Variants in CYRIB observed in about 807,000 individuals in gnomAD.
CYRIB encodes the protein CYFIP related Rac1 interactor B.
Under a neutral mutation model 44.2 loss-of-function variants are expected in CYRIB, and 8 were observed. The observed-to-expected ratio is 0.18, with a 90% CI of 0.11 to 0.33. CYRIB has a LOEUF of 0.33. CYRIB is among the 10% of genes least tolerant of loss of function. The pLI, the probability that CYRIB is intolerant of heterozygous loss-of-function variation, is 1.00. For synonymous variants in CYRIB, 131 were observed against 127.2 expected, an observed-to-expected ratio of 1.03 and a Z score of -0.20; for missense variants, 185 against 382.8, an observed-to-expected ratio of 0.48 and a Z score of 4.31.
chr8:129,966,150 C>T (rs1390176433), intron 2 of CYRIB, among the ~76,000 whole-genome samples: 1 of 152,210 alleles, frequency 6.6e-6, no homozygotes, highest in East Asian at 1.9e-4. Context: ...CCAATGCGCC[C>T]AGCCTAAATC....
intron 1 of CYRIB, among the ~76,000 whole-genome samples, chr8:129,972,905 T>C (rs1044792344): frequency 1.3e-5 from 2 of 152,244 alleles, no homozygotes; most frequent in African/African-American, 4.8e-5. Context: ...ACTACAGCTC[T>C]AGAAACCAGA....
intron 2 of CYRIB, among the ~76,000 whole-genome samples, chr8:129,883,293 C>T (rs1426444602): frequency 6.6e-6 from 1 of 151,640 alleles, no homozygotes; most frequent in Non-Finnish European, 1.5e-5. Flanking sequence ...TAGCAGCTAC[C>T]CCCCATACAA....
chr8:130,001,024 T>C (rs1162285806), intron 1 of CYRIB, among the ~76,000 whole-genome samples: 2 of 152,202 alleles, frequency 1.3e-5, no homozygotes, highest in African/African-American at 4.8e-5. Flanking sequence ...CTTTAAAAAA[T>C]GGCTGAGGAG....
intron 2 of CYRIB, among the ~76,000 whole-genome samples, chr8:129,882,238 G>A (rs867009564): frequency 1.3e-4 from 20 of 152,262 alleles, no homozygotes; most frequent in East Asian, 3.9e-4. Context: ...CCAGAAATTC[G>A]ACTCTAGCTT....
In CYRIB at chr8:129,847,428, C is replaced by G. The variant is rs559895649; in HGVS notation, c.841-554G>C. The G allele has an allele frequency of 1.7e-4, 26 of 152,440 alleles. 1 individual carries two copies. Among genetic ancestry groups the G allele is most frequent in the African/African-American group, 6.3e-4 (26 of 41,540 alleles). 9.4% of individuals were successfully genotyped at this position (152,440 alleles called of 1,614,324 possible). On this transcript the variant is annotated intron_variant, in intron 10 of 11. Transcript: ENST00000519824. ...GCAGTGAGCCGAGATCGCACTACTG[C>G]ACTCCAGCCTGGGTGACAGAGCGAG...
At chr8:129,880,383 G>T in intron 2 of CYRIB, 1 of 985,736 alleles carries the variant, frequency 1.0e-6, no homozygotes, top group Non-Finnish European at 1.2e-6. Flanking sequence ...TACTTTCAAA[G>T]TCCAAGAAAA....
chr8:129,915,821 T>C (rs928376701), intron 1 of CYRIB, among the ~76,000 whole-genome samples: 2 of 152,206 alleles, frequency 1.3e-5, no homozygotes, highest in African/African-American at 2.4e-5. Context: ...CTCTAAGGTA[T>C]GTATTTACTC....
chr8:129,955,758 T>A (rs2094790245), intron 2 of CYRIB, among the ~76,000 whole-genome samples: 1 of 152,222 alleles, frequency 6.6e-6, no homozygotes, highest in Non-Finnish European at 1.5e-5. Flanking sequence ...TGTTGATGGA[T>A]GAACCAACAA....
At chr8:129,888,639 G>A (rs1032355177) in intron 2 of CYRIB, among the ~76,000 whole-genome samples, 18 of 152,028 alleles carry the variant, frequency 1.2e-4, no homozygotes, top group Non-Finnish European at 2.1e-4. Flanking sequence ...CTGATGGTTC[G>A]TACCATCTAA....
At chr8:129,897,752 T>C (rs1212040688) in intron 2 of CYRIB, among the ~76,000 whole-genome samples, 1 of 151,506 alleles carries the variant, frequency 6.6e-6, no homozygotes, top group Non-Finnish European at 1.5e-5. Context: ...CTGGGCAACA[T>C]AGCGAAACTC....
intron 2 of CYRIB, among the ~76,000 whole-genome samples, chr8:129,961,629 A>C (rs1320485301): frequency 6.6e-6 from 1 of 152,232 alleles, no homozygotes; most frequent in Non-Finnish European, 1.5e-5. Flanking sequence ...AGGGGCTTGA[A>C]TCATTCACTA....
At chr8:129,939,303 G>C (rs2093377009) in intron 1 of CYRIB, among the ~76,000 whole-genome samples, 1 of 151,650 alleles carries the variant, frequency 6.6e-6, no homozygotes, top group Admixed American at 6.6e-5. Flanking sequence ...TCACTGGCGG[G>C]CGCAGGATCT....
chr8:129,888,646 C>CT (rs1351245711), intron 2 of CYRIB, among the ~76,000 whole-genome samples: 20 of 152,332 alleles, frequency 1.3e-4, no homozygotes, highest in Non-Finnish European at 2.5e-4. Flanking sequence ...TTCGTACCAT[C>CT]TAACACACAT....
intron 1 of CYRIB, among the ~76,000 whole-genome samples, chr8:129,972,804 A>C (rs2095760722): frequency 6.6e-6 from 1 of 151,980 alleles, no homozygotes. Flanking sequence ...CAGCACACCC[A>C]GGGCATAGAG....
At chr8:129,879,830 TA>T (rs201669187) in intron 2 of CYRIB, 3,027 of 197,376 alleles carry the variant, frequency 0.015, 46 homozygotes, top group Admixed American at 0.049. Context: ...TTACATGTAG[TA>T]CTGTTAGTAT....
At chr8:129,955,296 T>TA (rs2094750192) in intron 2 of CYRIB, among the ~76,000 whole-genome samples, 1 of 141,350 alleles carries the variant, frequency 7.1e-6, no homozygotes, top group African/African-American at 2.6e-5. Flanking sequence ...GATGAAGAAA[T>TA]AAGTGGAAAT....
chr8:129,924,591 G>C (rs2086315142), intron 1 of CYRIB, among the ~76,000 whole-genome samples: 1 of 152,120 alleles, frequency 6.6e-6, no homozygotes, highest in African/African-American at 2.4e-5. Flanking sequence ...TGTAGCCATA[G>C]TTAATGTCCC....
chr8:129,983,061 C>A (rs1442096353), intron 1 of CYRIB, among the ~76,000 whole-genome samples: 2 of 150,434 alleles, frequency 1.3e-5, no homozygotes, highest in Non-Finnish European at 2.9e-5. Flanking sequence ...GTAATCCCAG[C>A]ATTTGGGGAG....
intron 1 of CYRIB, among the ~76,000 whole-genome samples, chr8:129,935,771 A>C (rs1157068358): frequency 6.6e-6 from 1 of 152,216 alleles, no homozygotes; most frequent in African/African-American, 2.4e-5. Context: ...GTTGATGATC[A>C]ATCTTTTCAA....
Sources: gnomAD v4.1 joint callset for allele counts (sites outside exome capture counted in the v4.1 genomes callset) on GRCh38, gnomAD v4.1.1 for gene constraint, MANE v1.5 for transcripts, NCBI Gene and HGNC (gene_info 2026-07-23, HGNC 2026-07-21) for gene names.